The following LUC7L2 variants were observed in gnomAD, a reference collection of about 807,000 sequenced individuals.
LUC7L2 encodes putative RNA-binding protein Luc7-like 2.
Under a neutral mutation model 52.8 loss-of-function variants are expected in LUC7L2, and 25 were observed. That is an observed-to-expected ratio of 0.47 (90% CI 0.34 to 0.66). The LOEUF (loss-of-function observed/expected upper bound fraction) is 0.66. Among genes scored for constraint, LUC7L2 ranks in the 30% least tolerant of loss-of-function variants. LUC7L2 has a pLI of 0.01. For missense variants in LUC7L2, 328 were observed against 497.8 expected (o/e 0.66, Z 3.25); for synonymous variants, 144 against 160.9 (o/e 0.89, Z 0.80).
chr7:139,407,004 T>TTTG (rs1569391000), intron 5 of LUC7L2, among the ~76,000 whole-genome samples, 170 bp from the exon 6 acceptor site: 1 of 143,046 alleles, frequency 7.0e-6, no homozygotes, highest in Non-Finnish European at 1.5e-5. Flanking sequence ...TTTTGTGGTT[T>TTTG]TTTTTTTTTT....
intron 8 of LUC7L2, among the ~76,000 whole-genome samples, chr7:139,414,905 G>A (rs1795520030): frequency 6.6e-6 from 1 of 150,458 alleles, no homozygotes; most frequent in African/African-American, 2.5e-5. Flanking sequence ...ATTTTTTTTT[G>A]AGACGGAGTC....
At chr7:139,398,018 AATTTTTT>A (rs1794735211) in intron 2 of LUC7L2, among the ~76,000 whole-genome samples, 3 of 152,202 alleles carry the variant, frequency 2.0e-5, no homozygotes, top group African/African-American at 7.2e-5. Context: ...GGTTTTTAAA[AATTTTTT>A]ATTTTTTAAA....
At chr7:139,394,023 T>TA (rs1794557523) in intron 2 of LUC7L2, among the ~76,000 whole-genome samples, 2 of 152,274 alleles carry the variant, frequency 1.3e-5, no homozygotes, top group East Asian at 1.9e-4. Context: ...TGCAAGGACT[T>TA]AGAGCCCAGA....
intron 2 of LUC7L2, among the ~76,000 whole-genome samples, chr7:139,380,799 T>C (rs1226714148): frequency 6.6e-6 from 1 of 152,166 alleles, no homozygotes; most frequent in Non-Finnish European, 1.5e-5. Flanking sequence ...ACATTTCTTC[T>C]GGTACGTATC....
chr7:139,382,095 T>A (rs926658709), intron 2 of LUC7L2, among the ~76,000 whole-genome samples: 4 of 151,970 alleles, frequency 2.6e-5, no homozygotes, highest in African/African-American at 9.7e-5. Context: ...TTTCACCATG[T>A]TGGCCAGGGT....
chr7:139,409,445 T>A, intron 6 of LUC7L2, 118 bp from the exon 7 acceptor site: 2 of 1,228,424 alleles, frequency 1.6e-6, no homozygotes, highest in Non-Finnish European at 2.1e-6. Context: ...AATTGAATTA[T>A]TAAACAGATT....
upstream of LUC7L2, among the ~76,000 whole-genome samples, chr7:139,355,995 G>A (rs76465655): frequency 4.6e-4 from 70 of 152,280 alleles, no homozygotes; most frequent in East Asian, 0.013. Context: ...TAAAAGGTTA[G>A]GTAGAATGTA....
At chr7:139,391,838 C>T (rs1317732553) in intron 2 of LUC7L2, among the ~76,000 whole-genome samples, 4 of 152,140 alleles carry the variant, frequency 2.6e-5, no homozygotes, top group Non-Finnish European at 5.9e-5. Flanking sequence ...CTGCTTGCCT[C>T]AGGCTCCCAT....
rs757702305 is a variant in LUC7L2, at chr7:139,360,363, G to T, written c.61+41G>T. 33 of 1,536,676 alleles carry T rather than the reference G, an allele frequency of 2.1e-5. No individual in the cohort carries two copies. The South Asian group carries it at 3.9e-4, about 18-fold the overall frequency. ...GGCCCTGGGGGTGGGGGAGGGGACG[G>T]GGACGGCGAAGGGAAGGGGTTCCGA... On this transcript the variant is annotated intron_variant, in intron 1 of 9. Coordinates refer to ENST00000354926, the MANE Select transcript of LUC7L2 (RefSeq NM_016019.5).
At chr7:139,420,060 G>A (rs1466952353) in intron 9 of LUC7L2, among the ~76,000 whole-genome samples, 1 of 119,958 alleles carries the variant, frequency 8.3e-6, no homozygotes, top group African/African-American at 6.0e-5. Flanking sequence ...TCTGATACAA[G>A]TAGATTCTTT....
At chr7:139,371,515 G>C in intron 1 of LUC7L2, 1 of 959,614 alleles carries the variant, frequency 1.0e-6, no homozygotes, top group East Asian at 4.9e-5. Flanking sequence ...TATGAAAGTT[G>C]ATTTGGTTTC....
rs1795940924 is a variant in LUC7L2 at position 139,422,298 on chromosome 7, A to T, written c.1137A>T (p.Glu379Asp). The T allele has an allele frequency of 6.2e-7, 1 of 1,613,994 alleles. No individual in the cohort carries two copies. The change falls in exon 10 of 10, where the codon GAA (glutamate) becomes GAT (aspartate). Residue 379 changes from glutamate to aspartate, a missense_variant. Transcript: ENST00000354926. ...RSYESANGRS[E>D]DRRSSEEREA... is the part of the protein sequence containing the mutation. ...ATGAGAGTGCTAATGGCAGATCAGAAGACAGGAGGAGCTCTGAAGAGCGCG... is the reference window on the plus strand; with the variant it reads ...ATGAGAGTGCTAATGGCAGATCAGATGACAGGAGGAGCTCTGAAGAGCGCG...
At chr7:139,347,594 A>T (rs1274723693) in intron 1 of LUC7L2, among the ~76,000 whole-genome samples, 1 of 152,202 alleles carries the variant, frequency 6.6e-6, no homozygotes, top group East Asian at 1.9e-4. Flanking sequence ...TCTCAAAAAA[A>T]AAAAAGGCCA....
intron 1 of LUC7L2, among the ~76,000 whole-genome samples, chr7:139,341,785 A>G (rs1798992721): frequency 6.6e-6 from 1 of 152,054 alleles, no homozygotes; most frequent in Non-Finnish European, 1.5e-5. Flanking sequence ...GTCCCGAAGG[A>G]TTTCATTGGC....
At chr7:139,413,411 TTC>T (rs1331365048) in intron 8 of LUC7L2, among the ~76,000 whole-genome samples, 1 of 152,186 alleles carries the variant, frequency 6.6e-6, no homozygotes, top group Non-Finnish European at 1.5e-5. Context: ...TTTAGAAACT[TTC>T]TGAGTTCTCA....
intron 1 of LUC7L2, chr7:139,371,283 T>A: frequency 3.1e-6 from 2 of 653,042 alleles, no homozygotes; most frequent in Non-Finnish European, 2.8e-6. Flanking sequence ...TGCCTGATAA[T>A]GTACAGTGAA....
chr7:139,411,647 G>C (rs1467198977), intron 7 of LUC7L2, among the ~76,000 whole-genome samples: 2 of 152,110 alleles, frequency 1.3e-5, no homozygotes, highest in Non-Finnish European at 2.9e-5. Context: ...TAATCCCTGT[G>C]GTGTCCTACT....
chr7:139,351,269 C>T (rs1356353570), intron 1 of LUC7L2, among the ~76,000 whole-genome samples: 1 of 152,200 alleles, frequency 6.6e-6, no homozygotes, highest in Non-Finnish European at 1.5e-5. Flanking sequence ...GGAACCTCCT[C>T]ATCTTCCCCT....
chr7:139,354,751 G>T (rs540946854), intron 1 of LUC7L2, among the ~76,000 whole-genome samples: 76 of 152,280 alleles, frequency 5.0e-4, no homozygotes, highest in East Asian at 5.8e-4. Flanking sequence ...AAAAGTTTTG[G>T]CTCACAAAGG....
Sources: gnomAD v4.1 joint callset for allele counts (sites outside exome capture counted in the v4.1 genomes callset) on GRCh38, gnomAD v4.1.1 for gene constraint, MANE v1.5 for transcripts, NCBI Gene and HGNC (gene_info 2026-07-23, HGNC 2026-07-21) for gene names.